MAML3: variants seen among roughly 807,000 people sequenced by gnomAD.
The protein encoded by MAML3 is mastermind like transcriptional coactivator 3.
A neutral mutation model predicts 101.9 loss-of-function variants in MAML3; 27 were observed. The ratio of observed to expected loss-of-function variants is 0.27; its 90% confidence interval spans 0.20 to 0.37. MAML3 has a LOEUF of 0.37. Among genes scored for constraint, MAML3 ranks in the 10% least tolerant of loss-of-function variants. MAML3 has a pLI of 1.00. For synonymous variants in MAML3, 501 were observed against 555.9 expected, an observed-to-expected ratio of 0.90 and a Z score of 1.39; for missense variants, 1,316 against 1,444.9, an observed-to-expected ratio of 0.91 and a Z score of 1.45.
intron 1 of MAML3, among the ~76,000 whole-genome samples, chr4:140,042,858 G>T (rs1727110743): frequency 6.6e-6 from 1 of 152,038 alleles, no homozygotes; most frequent in Admixed American, 6.6e-5. Context: ...TTTACATGAA[G>T]TTTGAAGCTT....
At chr4:139,851,770 G>A (rs1461412199) in intron 2 of MAML3, among the ~76,000 whole-genome samples, 4 of 152,200 alleles carry the variant, frequency 2.6e-5, no homozygotes, top group Admixed American at 1.3e-4. Flanking sequence ...TTGGCGCATA[G>A]GTATATGTGC....
chr4:140,104,399 A>T, intron 1 of MAML3, among the ~76,000 whole-genome samples: 1 of 86,310 alleles, frequency 1.2e-5, no homozygotes, highest in African/African-American at 3.9e-5. Context: ...TATATATTAT[A>T]TAATATATAA....
chr4:139,866,983 C>T (rs1731910405), intron 2 of MAML3, among the ~76,000 whole-genome samples: 1 of 152,180 alleles, frequency 6.6e-6, no homozygotes, highest in South Asian at 2.1e-4. Context: ...GCACCCACCA[C>T]CTTATTAGGC....
chr4:139,783,795 G>T (rs1272950000), intron 2 of MAML3, among the ~76,000 whole-genome samples: 1 of 152,156 alleles, frequency 6.6e-6, no homozygotes, highest in East Asian at 1.9e-4. Flanking sequence ...CTAATAGCCA[G>T]GACCCTCCCA....
In MAML3 at chr4:139,802,994, A is replaced by G. The variant is rs1578608793; in HGVS notation, c.2080-72327T>C. Among the ~76,000 whole-genome samples, 4 of 152,366 alleles carry G rather than the reference A, an allele frequency of 2.6e-5. No individual in the cohort carries two copies. The South Asian group carries it at 8.3e-4, about 32-fold the overall frequency. On this transcript the variant is annotated intron_variant, in intron 2 of 4. Transcript: ENST00000509479. ...GTGATTACATATTATGGTGCTGAGA[A>G]ACGGTATAACTATTTCTCTTTATAA...
intron 1 of MAML3, among the ~76,000 whole-genome samples, chr4:140,070,493 G>C (rs1727630288): frequency 6.6e-6 from 1 of 152,162 alleles, no homozygotes. Context: ...AGAACAAAAA[G>C]AGAAAAGCTT....
intron 2 of MAML3, among the ~76,000 whole-genome samples, chr4:139,795,655 G>C (rs957453773): frequency 2.0e-5 from 3 of 152,208 alleles, no homozygotes; most frequent in Admixed American, 2.0e-4. Flanking sequence ...CTTGGCATCA[G>C]CCTGACAAAT....
chr4:139,776,442 T>C (rs1162570020), intron 2 of MAML3, among the ~76,000 whole-genome samples: 1 of 152,164 alleles, frequency 6.6e-6, no homozygotes, highest in African/African-American at 2.4e-5. Flanking sequence ...GATTAGGTGA[T>C]AAGTGATTAG....
intron 1 of MAML3, among the ~76,000 whole-genome samples, chr4:139,967,991 A>T (rs1230796769): frequency 1.3e-5 from 2 of 151,686 alleles, no homozygotes; most frequent in Admixed American, 1.3e-4. Flanking sequence ...GAGAAAAGAA[A>T]AGAAAAGCCA....
At chr4:139,842,104 A>G (rs1263074240) in intron 2 of MAML3, among the ~76,000 whole-genome samples, 2 of 152,176 alleles carry the variant, frequency 1.3e-5, no homozygotes, top group Non-Finnish European at 2.9e-5. Context: ...GTACCTGCAG[A>G]CAAGGCATCC....
chr4:139,992,542 G>GT (rs1321590132), intron 1 of MAML3, among the ~76,000 whole-genome samples: 2 of 151,690 alleles, frequency 1.3e-5, no homozygotes, highest in Non-Finnish European at 2.9e-5. Context: ...TTTTGTTTTT[G>GT]TTTTTTTGAG....
intron 1 of MAML3, among the ~76,000 whole-genome samples, chr4:139,933,485 C>T (rs17005257): frequency 4.6e-5 from 7 of 152,138 alleles, no homozygotes; most frequent in South Asian, 2.1e-4. Context: ...GCATTTTACA[C>T]GGAAAAGCCT....
intron 1 of MAML3, among the ~76,000 whole-genome samples, chr4:139,978,646 C>T (rs144909859): frequency 2.5e-4 from 37 of 149,894 alleles, no homozygotes; most frequent in Non-Finnish European, 3.6e-4. Context: ...CACACAACTG[C>T]GCTAGGCATT....
At chr4:139,864,075 T>A (rs1423492631) in intron 2 of MAML3, among the ~76,000 whole-genome samples, 1 of 152,212 alleles carries the variant, frequency 6.6e-6, no homozygotes, top group African/African-American at 2.4e-5. Flanking sequence ...CCATAAAATA[T>A]AATTTTTCAC....
At chr4:139,981,786 A>T (rs895312445) in intron 1 of MAML3, among the ~76,000 whole-genome samples, 4 of 152,168 alleles carry the variant, frequency 2.6e-5, no homozygotes, top group Admixed American at 6.5e-5. Context: ...AGCTTGTAGA[A>T]TGTCTCAGCT....
At chr4:139,877,762 A>G (rs1732143022) in intron 2 of MAML3, among the ~76,000 whole-genome samples, 1 of 152,206 alleles carries the variant, frequency 6.6e-6, no homozygotes, top group African/African-American at 2.4e-5. Context: ...GGAAATATAA[A>G]ACAGAAGAAT....
chr4:140,111,255 C>CTTT (rs145770219), intron 1 of MAML3, among the ~76,000 whole-genome samples: 2,093 of 152,276 alleles, frequency 0.014, 46 homozygotes, highest in African/African-American at 0.046. Context: ...GCCTTTTTAT[C>CTTT]TTTTTCTTGA....
At chr4:140,019,498 T>C (rs1355119959) in intron 1 of MAML3, among the ~76,000 whole-genome samples, 1 of 152,196 alleles carries the variant, frequency 6.6e-6, no homozygotes, top group African/African-American at 2.4e-5. Context: ...CATGAACAAA[T>C]AGACTCTTAA....
At chr4:139,995,304 T>C (rs1490068256) in intron 1 of MAML3, among the ~76,000 whole-genome samples, 1 of 152,182 alleles carries the variant, frequency 6.6e-6, no homozygotes. Context: ...TTGCTAATAT[T>C]TTGTTAAGGA....
Sources: allele counts gnomAD v4.1 joint callset (sites outside exome capture counted in the v4.1 genomes callset), GRCh38; gene constraint gnomAD v4.1.1; transcripts MANE v1.5; gene names NCBI Gene and HGNC (gene_info 2026-07-23, HGNC 2026-07-21).